MALRD1: variants seen among roughly 807,000 people sequenced by gnomAD.
MALRD1 encodes the protein MAM and LDL-receptor class A domain-containing protein 1.
A neutral mutation model predicts 242.1 loss-of-function variants in MALRD1; 247 were observed. The ratio of observed to expected loss-of-function variants is 1.02; its 90% CI spans 0.92 to 1.13. The LOEUF is 1.13. Ranked by LOEUF, MALRD1 falls within the 50% of genes most tolerant of loss-of-function variation. The pLI, the probability that MALRD1 is intolerant of heterozygous loss-of-function variation, is 0.00. For missense variants in MALRD1, 2,989 were observed against 2,533.1 expected, an observed-to-expected ratio of 1.18 and a Z score of -3.86; for synonymous variants, 995 against 866.6, an observed-to-expected ratio of 1.15 and a Z score of -2.60.
intron 18 of MALRD1, among the ~76,000 whole-genome samples, chr10:19,248,229 T>C (rs1188170884): frequency 6.6e-6 from 1 of 152,028 alleles, no homozygotes; most frequent in Non-Finnish European, 1.5e-5. Context: ...CCAAATTTAA[T>C]TTAATCTAAC....
chr10:19,327,491 G>T, intron 22 of MALRD1, 72 bp from the exon 23 acceptor site: 1 of 1,197,928 alleles, frequency 8.3e-7, no homozygotes. Flanking sequence ...AAAATCACTG[G>T]AAGAATTCTA....
chr10:19,373,707 AC>A, intron 26 of MALRD1, among the ~76,000 whole-genome samples: 1 of 152,334 alleles, frequency 6.6e-6, no homozygotes, highest in African/African-American at 2.4e-5. Context: ...TCTTCACTTT[AC>A]ATTGTCCTTG....
chr10:19,084,419 T>A (rs1186751865), intron 2 of MALRD1, among the ~76,000 whole-genome samples: 1 of 151,292 alleles, frequency 6.6e-6, no homozygotes, highest in Non-Finnish European at 1.5e-5. Flanking sequence ...TACAGCCTGA[T>A]TTTTTTTTAA....
chr10:19,268,072 AT>A (rs1840039376), intron 19 of MALRD1, among the ~76,000 whole-genome samples: 1 of 152,166 alleles, frequency 6.6e-6, no homozygotes. Flanking sequence ...AATGTTAAAC[AT>A]GGAGAAGGTT....
chr10:19,571,892 T>C (rs1293707530), intron 33 of MALRD1, among the ~76,000 whole-genome samples: 1 of 152,182 alleles, frequency 6.6e-6, no homozygotes, highest in African/African-American at 2.4e-5. Context: ...ATGTTGAACC[T>C]GCCAGCTTTC....
intron 32 of MALRD1, among the ~76,000 whole-genome samples, chr10:19,544,057 TA>T (rs1192740119): frequency 1.3e-5 from 2 of 152,202 alleles, no homozygotes; most frequent in East Asian, 3.9e-4. Context: ...TCTAGTTTTT[TA>T]AATAAATCCA....
At chr10:19,464,306 T>C (rs1836111901) in intron 29 of MALRD1, among the ~76,000 whole-genome samples, 1 of 152,202 alleles carries the variant, frequency 6.6e-6, no homozygotes, top group African/African-American at 2.4e-5. Context: ...TAGAAGGGTT[T>C]TTCCGATGTT....
At chr10:19,490,425 C>T (rs1008466480) in intron 29 of MALRD1, among the ~76,000 whole-genome samples, 1 of 146,668 alleles carries the variant, frequency 6.8e-6, no homozygotes, top group African/African-American at 2.5e-5. Context: ...CAAGCGAGTA[C>T]AGGCATACCT....
chr10:19,454,832 ATTTC>A (rs146707118), intron 29 of MALRD1, among the ~76,000 whole-genome samples: 1,798 of 152,116 alleles, frequency 0.012, 26 homozygotes, highest in East Asian at 0.049. Flanking sequence ...TAAGTTTCAT[ATTTC>A]TTTCTTACTT....
In MALRD1 at chr10:19,446,264, G is replaced by C. The variant is rs149754197; in HGVS notation, c.4846-4043G>C. Among the ~76,000 whole-genome samples, 320 of 152,208 alleles carry C rather than the reference G, an allele frequency of 2.1e-3. 1 individual carries two copies. Among genetic ancestry groups the C allele is most frequent in the African/African-American group, 7.3e-3 (303 of 41,526 alleles). On this transcript the variant is annotated intron_variant, in intron 28 of 39. Transcript: ENST00000454679. ...TGAGGTGATGCCCCACCCTGCTTCA[G>C]CTTACACTCTGTGGGCTGCACCCAC...
chr10:19,053,002 G>A (rs1834555632), intron 1 of MALRD1, among the ~76,000 whole-genome samples: 1 of 152,112 alleles, frequency 6.6e-6, no homozygotes. Context: ...AAGAATCTCT[G>A]ACCTCCCTTG....
chr10:19,323,336 G>T (rs1365992292), intron 21 of MALRD1, among the ~76,000 whole-genome samples: 3 of 152,098 alleles, frequency 2.0e-5, no homozygotes, highest in African/African-American at 4.8e-5. Flanking sequence ...ATTAAAATGA[G>T]CTCTAAAAAG....
chr10:19,190,172 C>T (rs1471433376), intron 14 of MALRD1, among the ~76,000 whole-genome samples: 2 of 151,390 alleles, frequency 1.3e-5, no homozygotes, highest in Non-Finnish European at 2.9e-5. Flanking sequence ...AATGAACCAT[C>T]CAAAAAGGAA....
intron 18 of MALRD1, among the ~76,000 whole-genome samples, chr10:19,230,586 C>T (rs1294735039): frequency 6.6e-6 from 1 of 152,134 alleles, no homozygotes; most frequent in Non-Finnish European, 1.5e-5. Flanking sequence ...GCATCTGTCT[C>T]CAACATTGGG....
intron 21 of MALRD1, among the ~76,000 whole-genome samples, chr10:19,301,411 C>T (rs1318900157): frequency 1.3e-5 from 2 of 151,782 alleles, no homozygotes. Context: ...ACATGCACTA[C>T]ATGTGTGTTC....
intron 2 of MALRD1, among the ~76,000 whole-genome samples, chr10:19,082,408 TATA>T (rs58377099): frequency 0.067 from 10,122 of 151,800 alleles, 525 homozygotes; most frequent in East Asian, 0.27. Context: ...TATAATTGAT[TATA>T]ATAATTATTG....
At chr10:19,370,201 T>A (rs73593887) in intron 26 of MALRD1, among the ~76,000 whole-genome samples, 7,934 of 152,208 alleles carry the variant, frequency 0.052, 412 homozygotes, top group African/African-American at 0.13. Flanking sequence ...TTCTCTTTCA[T>A]CAATCTGTTT....
rs1833618608 is a variant in MALRD1 at position 19,419,069 on chromosome 10, AC to A, written c.4845+29461del. ...GATGAACTCAACCATTTCAGTATGC[AC>A]ACCCTTCTCCAGCTAACCGCCTTCC... On this transcript the variant is annotated intron_variant, in intron 28 of 39. Coordinates refer to ENST00000454679, the MANE Select transcript of MALRD1 (RefSeq NM_001142308.3). 2.6e-5 allele frequency among the ~76,000 whole-genome samples: 4 copies of A among 152,274 alleles called. No homozygotes were observed. The South Asian group carries it at 8.3e-4, about 32-fold the overall frequency.
At chr10:19,350,874 T>TG (rs141006821) in intron 25 of MALRD1, among the ~76,000 whole-genome samples, 4,699 of 152,312 alleles carry the variant, frequency 0.031, 156 homozygotes, top group Admixed American at 0.1. Flanking sequence ...GGTTGGCCCC[T>TG]GGCCACTTTG....
Sources: allele counts gnomAD v4.1 joint callset (sites outside exome capture counted in the v4.1 genomes callset), GRCh38; gene constraint gnomAD v4.1.1; transcripts MANE v1.5; gene names NCBI Gene and HGNC (gene_info 2026-07-23, HGNC 2026-07-21).